The following TBC1D5 variants were observed in gnomAD, a reference collection of about 807,000 sequenced individuals.
TBC1D5 encodes the protein TBC1 domain family member 5, also known as TBC1 domain family, member 5.
A neutral mutation model predicts 100.3 loss-of-function variants in TBC1D5; 75 were observed. The ratio of observed to expected loss-of-function variants is 0.75; its 90% CI spans 0.62 to 0.91. The LOEUF (loss-of-function observed/expected upper bound fraction) is 0.91. Ranked by LOEUF, TBC1D5 falls within the 40% of genes least tolerant of loss-of-function variation. The pLI is 0.00. For missense variants in TBC1D5, 910 were observed against 942.4 expected, an observed-to-expected ratio of 0.97 and a Z score of 0.45; for synonymous variants, 323 against 325.6, an observed-to-expected ratio of 0.99 and a Z score of 0.09.
At chr3:17,529,238 T>TG (rs1213687010) in intron 2 of TBC1D5, among the ~76,000 whole-genome samples, 2 of 152,234 alleles carry the variant, frequency 1.3e-5, no homozygotes, top group Admixed American at 6.5e-5. Flanking sequence ...CTGAGCTCTC[T>TG]GGGCTCTAAC....
At chr3:17,709,578 T>C (rs1314442080) in intron 1 of TBC1D5, among the ~76,000 whole-genome samples, 2 of 152,192 alleles carry the variant, frequency 1.3e-5, no homozygotes, top group South Asian at 2.1e-4. Flanking sequence ...TTTCTGTTAC[T>C]GGCATTCAAA....
At chr3:17,545,702 C>T (rs2096408184) in intron 2 of TBC1D5, among the ~76,000 whole-genome samples, 1 of 152,046 alleles carries the variant, frequency 6.6e-6, no homozygotes, top group African/African-American at 2.4e-5. Context: ...TTCAATGGGT[C>T]ACCAACAAAA....
chr3:17,350,032 G>C (rs2090367969), intron 13 of TBC1D5, among the ~76,000 whole-genome samples: 1 of 152,038 alleles, frequency 6.6e-6, no homozygotes, highest in South Asian at 2.1e-4. Flanking sequence ...TTTATTTACT[G>C]CAAGAGTGGA....
chr3:17,298,751 T>C (rs1391948048), intron 14 of TBC1D5, among the ~76,000 whole-genome samples: 2 of 152,180 alleles, frequency 1.3e-5, no homozygotes. Flanking sequence ...CTTAACTGCA[T>C]ATTGCTAAGG....
chr3:17,581,914 T>TTCCTGC (rs1311078472), intron 2 of TBC1D5, among the ~76,000 whole-genome samples: 1 of 152,206 alleles, frequency 6.6e-6, no homozygotes, highest in African/African-American at 2.4e-5. Flanking sequence ...ATCATAAATA[T>TTCCTGC]TCCTGCCTCA....
intron 13 of TBC1D5, among the ~76,000 whole-genome samples, chr3:17,332,824 G>A (rs1401673215): frequency 1.3e-5 from 2 of 152,178 alleles, no homozygotes; most frequent in Admixed American, 1.3e-4. Context: ...GTTAGGTGGA[G>A]TGGGGCAAGG....
intron 3 of TBC1D5, among the ~76,000 whole-genome samples, chr3:17,445,435 T>C (rs760476737): frequency 2.0e-5 from 3 of 152,030 alleles, no homozygotes; most frequent in Non-Finnish European, 4.4e-5. Context: ...AATAAAAAGA[T>C]ATATAATATA....
intron 2 of TBC1D5, among the ~76,000 whole-genome samples, chr3:17,533,433 G>C (rs1041273115): frequency 6.6e-6 from 1 of 152,130 alleles, no homozygotes; most frequent in Admixed American, 6.5e-5. Context: ...CTAATATGGG[G>C]GGATGGAAGG....
At chr3:17,250,425 C>T (rs971708675) in intron 16 of TBC1D5, among the ~76,000 whole-genome samples, 8 of 152,312 alleles carry the variant, frequency 5.3e-5, no homozygotes, top group Admixed American at 3.9e-4. Flanking sequence ...TAGGATAAAA[C>T]CCTAAGCATT....
chr3:17,290,564 T>C (rs546606236), intron 15 of TBC1D5, among the ~76,000 whole-genome samples: 1 of 152,236 alleles, frequency 6.6e-6, no homozygotes. Context: ...GCTAAGCTGA[T>C]AGAATTTGCC....
chr3:17,547,869 T>G (rs2096433968), intron 2 of TBC1D5, among the ~76,000 whole-genome samples: 1 of 152,224 alleles, frequency 6.6e-6, no homozygotes, highest in South Asian at 2.1e-4. Context: ...CAGAATAAGA[T>G]GTAAGGAATT....
chr3:17,527,396 G>A (rs2096151908), intron 2 of TBC1D5, among the ~76,000 whole-genome samples: 1 of 152,118 alleles, frequency 6.6e-6, no homozygotes, highest in African/African-American at 2.4e-5. Flanking sequence ...AAAAAGAAGG[G>A]GAAACAGAAG....
intron 18 of TBC1D5, among the ~76,000 whole-genome samples, chr3:17,206,082 C>A (rs1236879981): frequency 6.6e-6 from 1 of 152,152 alleles, no homozygotes; most frequent in African/African-American, 2.4e-5. Flanking sequence ...GTATTGTTGA[C>A]TACCTGCTCA....
At chr3:17,654,907 C>G (rs1168536978) in intron 1 of TBC1D5, among the ~76,000 whole-genome samples, 6 of 151,966 alleles carry the variant, frequency 3.9e-5, no homozygotes, top group African/African-American at 1.5e-4. Context: ...ATGTGTCGAG[C>G]AATTTATCCA....
At chr3:17,741,977 C>A (rs535732028), upstream of TBC1D5, among the ~76,000 whole-genome samples, 3 of 152,154 alleles carry the variant, frequency 2.0e-5, no homozygotes, top group East Asian at 5.8e-4. Flanking sequence ...GGGCCCGTTT[C>A]GCTTCCGGCT....
At chr3:17,201,190 C>A (rs1189309394) in intron 18 of TBC1D5, among the ~76,000 whole-genome samples, 1 of 151,994 alleles carries the variant, frequency 6.6e-6, no homozygotes, top group Non-Finnish European at 1.5e-5. Context: ...TTAAAGCATG[C>A]CTTTAATTTA....
intron 2 of TBC1D5, among the ~76,000 whole-genome samples, chr3:17,555,648 C>T (rs1057240009): frequency 6.6e-6 from 1 of 152,162 alleles, no homozygotes; most frequent in African/African-American, 2.4e-5. Context: ...CAAGAGATAA[C>T]CCTGAAGGGC....
intron 2 of TBC1D5, among the ~76,000 whole-genome samples, chr3:17,509,525 G>C (rs1054784086): frequency 2.0e-5 from 3 of 151,966 alleles, no homozygotes; most frequent in Non-Finnish European, 1.5e-5. Context: ...GAACCAACCT[G>C]ATAGTCAAAT....
intron 1 of TBC1D5, among the ~76,000 whole-genome samples, chr3:17,736,176 C>T (rs952971519): frequency 6.6e-6 from 1 of 152,110 alleles, no homozygotes; most frequent in Non-Finnish European, 1.5e-5. Flanking sequence ...AATTCTTAGT[C>T]GGCCTAGGAA....
Sources: allele counts gnomAD v4.1 joint callset (sites outside exome capture counted in the v4.1 genomes callset), GRCh38; gene constraint gnomAD v4.1.1; transcripts MANE v1.5; gene names NCBI Gene and HGNC (gene_info 2026-07-23, HGNC 2026-07-21).